RNGTT: variants seen among roughly 807,000 people sequenced by gnomAD.
RNGTT encodes the protein RNA guanylyltransferase and 5'-phosphatase.
Under a neutral mutation model 79.3 loss-of-function variants are expected in RNGTT, and 33 were observed. That is an observed-to-expected ratio of 0.42 (90% confidence interval 0.32 to 0.56). The LOEUF (loss-of-function observed/expected upper bound fraction) is 0.56, where lower values mean the gene tolerates loss of function less well. RNGTT is among the 20% of genes least tolerant of loss of function. The pLI is 0.17. For missense variants in RNGTT, 497 were observed against 739.1 expected, an observed-to-expected ratio of 0.67 and a Z score of 3.80; for synonymous variants, 222 against 235.9, an observed-to-expected ratio of 0.94 and a Z score of 0.54.
intron 14 of RNGTT, among the ~76,000 whole-genome samples, chr6:88,638,226 AT>A (rs1773172446): frequency 6.6e-6 from 1 of 152,130 alleles, no homozygotes; most frequent in South Asian, 2.1e-4. Context: ...AATCTGCCAA[AT>A]TTCTCTATTG....
chr6:88,917,133 G>T (rs910779838), intron 4 of RNGTT, among the ~76,000 whole-genome samples: 12 of 152,014 alleles, frequency 7.9e-5, no homozygotes, highest in African/African-American at 2.9e-4. Context: ...TCTTTCTTTG[G>T]TTTCTTTGCT....
At position 88,929,057 on chromosome 6, in the gene RNGTT, T is replaced by C; in HGVS notation, c.295A>G (p.Thr99Ala). The stretch of plus-strand genomic sequence containing the variant: ...ATAAAGGTCTCAGTATTCTCAGTGG[T>C]AGGGCACTCACCATGTCTAGTAATA... ...LQCKGHGECP[T>A]TENTETFIRL... The change falls in exon 4 of 16, where the codon ACC becomes GCC. Residue 99 changes from threonine (T) to alanine (A), a missense_variant. Coordinates refer to ENST00000369485, the MANE Select transcript of RNGTT (RefSeq NM_003800.5). 1 of 1,612,654 alleles carries C rather than the reference T, an allele frequency of 6.2e-7. No homozygotes were observed. The highest frequency in any genetic ancestry group is 8.5e-7 in the Non-Finnish European group (1 of 1,179,268).
intron 13 of RNGTT, among the ~76,000 whole-genome samples, chr6:88,679,038 C>A (rs1774989920): frequency 6.6e-6 from 1 of 152,088 alleles, no homozygotes; most frequent in Non-Finnish European, 1.5e-5. Context: ...ACTAACCCCT[C>A]TTCCTCCTCC....
At chr6:88,764,817 CCAAA>C (rs1388728631) in intron 13 of RNGTT, among the ~76,000 whole-genome samples, 1 of 152,140 alleles carries the variant, frequency 6.6e-6, no homozygotes, top group African/African-American at 2.4e-5. Context: ...TCTGTTCCTA[CCAAA>C]CAGTTTAGGA....
At chr6:88,880,620 G>A (rs1056205361) in intron 8 of RNGTT, among the ~76,000 whole-genome samples, 5 of 151,978 alleles carry the variant, frequency 3.3e-5, no homozygotes, top group Admixed American at 6.6e-5. Flanking sequence ...TTCCTGTGTC[G>A]AGCATAATCT....
chr6:88,827,081 A>G (rs1345901445), intron 11 of RNGTT, among the ~76,000 whole-genome samples: 3 of 152,032 alleles, frequency 2.0e-5, no homozygotes, highest in African/African-American at 7.2e-5. Context: ...TTAAAAAAAA[A>G]AGTATTCAGA....
intron 11 of RNGTT, among the ~76,000 whole-genome samples, chr6:88,811,417 G>T (rs894431453): frequency 3.9e-5 from 6 of 152,174 alleles, no homozygotes; most frequent in African/African-American, 1.4e-4. Flanking sequence ...ATGGACCAAA[G>T]ATTGGAGGAA....
intron 2 of RNGTT, among the ~76,000 whole-genome samples, chr6:88,933,529 G>A (rs1176804137): frequency 5.3e-5 from 8 of 151,840 alleles, no homozygotes; most frequent in Non-Finnish European, 5.9e-5. Context: ...TGCCCCGGCT[G>A]GAATGTAGTA....
intron 4 of RNGTT, among the ~76,000 whole-genome samples, chr6:88,921,618 T>A (rs1195902458): frequency 6.6e-6 from 1 of 152,106 alleles, no homozygotes; most frequent in Non-Finnish European, 1.5e-5. Flanking sequence ...ATTATGGAAA[T>A]TTGCAGACAT....
At chr6:88,621,086 C>T (rs1345151832) in intron 14 of RNGTT, among the ~76,000 whole-genome samples, 1 of 152,082 alleles carries the variant, frequency 6.6e-6, no homozygotes, top group South Asian at 2.1e-4. Context: ...CTTGGAGGTG[C>T]TGTGTATGAG....
chr6:88,865,638 A>G (rs1782143035), intron 8 of RNGTT, among the ~76,000 whole-genome samples: 1 of 152,158 alleles, frequency 6.6e-6, no homozygotes, highest in East Asian at 1.9e-4. Context: ...GTAAAATCAG[A>G]CGCTGCACTG....
chr6:88,688,679 A>G (rs1775366472), intron 13 of RNGTT, among the ~76,000 whole-genome samples: 1 of 152,206 alleles, frequency 6.6e-6, no homozygotes, highest in Non-Finnish European at 1.5e-5. Flanking sequence ...CAAAACACTA[A>G]AATAAAATTA....
chr6:88,961,363 A>G (rs1785616132), intron 1 of RNGTT, among the ~76,000 whole-genome samples: 1 of 151,968 alleles, frequency 6.6e-6, no homozygotes, highest in Non-Finnish European at 1.5e-5. Flanking sequence ...GTATATATAT[A>G]TATGTACATA....
chr6:88,827,554 C>T (rs1780712641), intron 11 of RNGTT, among the ~76,000 whole-genome samples: 1 of 152,184 alleles, frequency 6.6e-6, no homozygotes, highest in Admixed American at 6.5e-5. Context: ...TGTTCACTCC[C>T]CTGGAAAGGC....
intron 13 of RNGTT, among the ~76,000 whole-genome samples, chr6:88,701,065 G>A (rs1306904404): frequency 6.6e-6 from 1 of 151,968 alleles, no homozygotes; most frequent in African/African-American, 2.4e-5. Flanking sequence ...AAGAATGTAT[G>A]TATGAATGTT....
chr6:88,635,961 G>GGGAGC (rs1414601614), intron 14 of RNGTT, among the ~76,000 whole-genome samples: 1 of 152,004 alleles, frequency 6.6e-6, no homozygotes, highest in East Asian at 1.9e-4. Flanking sequence ...GTACAGAAAT[G>GGGAGC]GGAGCATATC....
intron 13 of RNGTT, among the ~76,000 whole-genome samples, chr6:88,691,762 T>C (rs930302606): frequency 6.6e-6 from 1 of 152,130 alleles, no homozygotes; most frequent in African/African-American, 2.4e-5. Flanking sequence ...ATATAAAAGG[T>C]TGTAATACAT....
At chr6:88,617,321 T>C (rs1772268759) in intron 14 of RNGTT, among the ~76,000 whole-genome samples, 1 of 152,140 alleles carries the variant, frequency 6.6e-6, no homozygotes, top group South Asian at 2.1e-4. Context: ...TAGTTTAAGG[T>C]CTTATGTTTT....
intron 13 of RNGTT, among the ~76,000 whole-genome samples, chr6:88,743,307 T>G (rs1463593720): frequency 1.3e-5 from 2 of 152,222 alleles, no homozygotes; most frequent in Admixed American, 6.5e-5. Flanking sequence ...TTCTCCAATT[T>G]TTTTTATTAC....
Sources: allele counts gnomAD v4.1 joint callset (sites outside exome capture counted in the v4.1 genomes callset), GRCh38; gene constraint gnomAD v4.1.1; transcripts MANE v1.5; gene names NCBI Gene and HGNC (gene_info 2026-07-23, HGNC 2026-07-21).